PTN: variants seen among roughly 807,000 people sequenced by gnomAD.
The protein encoded by PTN is pleiotrophin.
PTN carries 18 observed loss-of-function variants against 24.1 expected under a neutral mutation model. The ratio of observed to expected loss-of-function variants is 0.75; its 90% CI spans 0.52 to 1.11. PTN has a LOEUF of 1.11. Among genes scored for constraint, PTN ranks in the 50% least tolerant of loss-of-function variants. The pLI, the probability that PTN is intolerant of heterozygous loss-of-function variation, is 0.00. For missense variants in PTN, 163 were observed against 198.8 expected (o/e 0.82, Z 1.08); for synonymous variants, 78 against 68.6 (o/e 1.14, Z -0.67).
intron 1 of PTN, among the ~76,000 whole-genome samples, chr7:137,313,140 C>T (rs934564955): frequency 3.9e-5 from 6 of 152,014 alleles, no homozygotes; most frequent in Non-Finnish European, 8.8e-5. Context: ...CCACGTGTCT[C>T]CAGAGAGACA....
At chr7:137,261,937 C>A (rs374723298) in intron 1 of PTN, among the ~76,000 whole-genome samples, 1 of 152,092 alleles carries the variant, frequency 6.6e-6, no homozygotes, top group African/African-American at 2.4e-5. Context: ...CAGATAATTT[C>A]TTTATGGCCA....
intron 1 of PTN, among the ~76,000 whole-genome samples, chr7:137,302,351 A>G (rs553211712): frequency 6.6e-6 from 1 of 152,144 alleles, no homozygotes; most frequent in Non-Finnish European, 1.5e-5. Flanking sequence ...CCTTGTCAGT[A>G]TAGTAACATA....
At chr7:137,274,474 C>CATT (rs1809328512) in intron 1 of PTN, among the ~76,000 whole-genome samples, 1 of 152,056 alleles carries the variant, frequency 6.6e-6, no homozygotes, top group Non-Finnish European at 1.5e-5. Context: ...CAACCCGTCA[C>CATT]CTACATTAGG....
At chr7:137,311,251 G>C (rs989659079) in intron 1 of PTN, among the ~76,000 whole-genome samples, 1 of 132,188 alleles carries the variant, frequency 7.6e-6, no homozygotes, top group Non-Finnish European at 1.6e-5. Context: ...AAAAAAAAAA[G>C]AATTGAAGAG....
chr7:137,328,671 C>A (rs1436338704), intron 1 of PTN, among the ~76,000 whole-genome samples: 2 of 152,132 alleles, frequency 1.3e-5, no homozygotes, highest in Non-Finnish European at 2.9e-5. Context: ...GATTGAGCAG[C>A]TCCTAGACAC....
chr7:137,286,668 A>G (rs7792298), intron 1 of PTN, among the ~76,000 whole-genome samples: 12,246 of 152,240 alleles, frequency 0.08, 757 homozygotes, highest in African/African-American at 0.17. Flanking sequence ...AATAAATCCC[A>G]GGTACCAGGC....
intron 1 of PTN, among the ~76,000 whole-genome samples, chr7:137,278,888 C>A (rs1809415360): frequency 6.6e-6 from 1 of 150,552 alleles, no homozygotes; most frequent in Non-Finnish European, 1.5e-5. Flanking sequence ...TTGCAGTGAG[C>A]CAAGATCACA....
At chr7:137,321,285 A>G (rs2128881178) in intron 1 of PTN, among the ~76,000 whole-genome samples, 1 of 152,330 alleles carries the variant, frequency 6.6e-6, no homozygotes, top group African/African-American at 2.4e-5. Flanking sequence ...CAGCTTGGCT[A>G]AGAATCAAAG....
intron 1 of PTN, among the ~76,000 whole-genome samples, chr7:137,312,803 C>T (rs921227384): frequency 5.3e-5 from 8 of 151,994 alleles, no homozygotes; most frequent in Non-Finnish European, 8.8e-5. Context: ...ATGTATAAAA[C>T]ATATATATTG....
chr7:137,265,838 A>C (rs1809134134), intron 1 of PTN, among the ~76,000 whole-genome samples: 1 of 151,658 alleles, frequency 6.6e-6, no homozygotes, highest in Non-Finnish European at 1.5e-5. Flanking sequence ...TAATTGCCAA[A>C]GTTTGTTTTA....
rs1269284092 is a variant in PTN, at chr7:137,227,926, A to G, written c.*94T>C. On this transcript the variant is annotated 3_prime_UTR_variant, in exon 5 of 5. Transcript: ENST00000348225. ...GCTTATTGTGTACTTAGCTATAGAT[A>G]ATTTTTGAATACAAAGCCTACGGTA... 3.3e-6 allele frequency: 5 copies of G among 1,502,432 alleles called. No homozygotes were observed. The highest frequency in any genetic ancestry group is 3.5e-6 in the Non-Finnish European group (4 of 1,127,498). The allele number at this position is 1,502,432 out of a possible 1,614,324, so 93.1% of individuals were successfully genotyped here.
chr7:137,336,231 A>G (rs1810446494), intron 1 of PTN, among the ~76,000 whole-genome samples: 1 of 152,064 alleles, frequency 6.6e-6, no homozygotes, highest in South Asian at 2.1e-4. Context: ...CATCATCATC[A>G]TTTCCCACTT....
At chr7:137,304,112 C>T (rs1339181344) in intron 1 of PTN, among the ~76,000 whole-genome samples, 2 of 152,028 alleles carry the variant, frequency 1.3e-5, no homozygotes, top group African/African-American at 4.8e-5. Flanking sequence ...AGTTACCAAA[C>T]ACTATCTTAA....
chr7:137,336,410 C>T (rs956202812), intron 1 of PTN, among the ~76,000 whole-genome samples: 1 of 152,072 alleles, frequency 6.6e-6, no homozygotes, highest in Admixed American at 6.6e-5. Flanking sequence ...TTATGAGCAT[C>T]ACTAAGGTCA....
chr7:137,332,259 T>C (rs1309225241), intron 1 of PTN, among the ~76,000 whole-genome samples: 1 of 152,188 alleles, frequency 6.6e-6, no homozygotes, highest in African/African-American at 2.4e-5. Flanking sequence ...ATTTCAAGAA[T>C]TGTAAGTAAG....
intron 1 of PTN, among the ~76,000 whole-genome samples, chr7:137,341,124 A>G (rs1262739127): frequency 6.6e-6 from 1 of 152,232 alleles, no homozygotes; most frequent in Non-Finnish European, 1.5e-5. Context: ...AATGCCATGT[A>G]AGTGAGAAAG....
chr7:137,232,755 T>A (rs763707149), intron 4 of PTN, among the ~76,000 whole-genome samples: 5 of 151,966 alleles, frequency 3.3e-5, no homozygotes, highest in Admixed American at 2.0e-4. Context: ...TCCCCATGTG[T>A]CAAGGGCAGG....
rs2128867691 is a variant in PTN, at chr7:137,233,706, T to C, written c.452-5631A>G. On this transcript the variant is annotated intron_variant, in intron 4 of 4. Coordinates refer to ENST00000348225, the MANE Select transcript of PTN (RefSeq NM_002825.7). ...TTTACTACTACAATCCAGAGACATG[T>C]GTTGTGAAAAATAGAGCAGCCACAA... Among the ~76,000 whole-genome samples the C allele has an allele frequency of 2.0e-5, 3 of 151,940 alleles. No individual in the cohort carries two copies. In the South Asian group the frequency reaches 6.2e-4, roughly 32 times the overall value.
Position 137,227,715 on chromosome 7 carries a change from G to A in PTN, c.*305C>T. On this transcript the variant is annotated 3_prime_UTR_variant, in exon 5 of 5. Coordinates refer to ENST00000348225, the MANE Select transcript of PTN (RefSeq NM_002825.7). ...ACATTTAAATTGCTGCCCAAAAAAT[G>A]TAAAAAAAATTTAATGTAAAATGTC... 4.7e-6 allele frequency: 1 copy of A among 214,564 alleles called. No individual in the cohort carries two copies. 13.3% of individuals were successfully genotyped at this position (214,564 alleles called of 1,614,324 possible).
Sources: gnomAD v4.1 joint callset for allele counts (sites outside exome capture counted in the v4.1 genomes callset) on GRCh38, gnomAD v4.1.1 for gene constraint, MANE v1.5 for transcripts, NCBI Gene and HGNC (gene_info 2026-07-23, HGNC 2026-07-21) for gene names.